Variants in SOX6 observed in about 807,000 individuals in gnomAD.
The protein encoded by SOX6 is SRY-box transcription factor 6, also known as transcription factor SOX-6.
In SOX6, 11 loss-of-function variants were observed where a neutral mutation model predicts 97.8. The observed-to-expected ratio is 0.11, with a 90% CI of 0.07 to 0.19. The LOEUF is 0.19. Ranked by LOEUF, SOX6 falls within the 10% of genes least tolerant of loss-of-function variation. The probability of loss-of-function intolerance (pLI) is 1.00; values close to 1 mark genes in which losing one functional copy is unlikely to be tolerated. For missense variants in SOX6, 810 were observed against 1,039.5 expected, an observed-to-expected ratio of 0.78 and a Z score of 3.04; for synonymous variants, 360 against 371.4, an observed-to-expected ratio of 0.97 and a Z score of 0.35.
chr11:16,096,436 G>A (rs758027395), intron 8 of SOX6, among the ~76,000 whole-genome samples: 7 of 151,762 alleles, frequency 4.6e-5, no homozygotes, highest in African/African-American at 9.7e-5. Flanking sequence ...TGTTAGTAGC[G>A]TGAAAGGTGA....
At chr11:16,126,534 A>G (rs1226014839) in intron 6 of SOX6, among the ~76,000 whole-genome samples, 2 of 152,120 alleles carry the variant, frequency 1.3e-5, no homozygotes, top group Non-Finnish European at 2.9e-5. Flanking sequence ...GACAGGTAGG[A>G]GATTAAATCT....
chr11:16,049,615 G>A, intron 11 of SOX6, 140 bp downstream of exon 11: 1 of 985,832 alleles, frequency 1.0e-6, no homozygotes. Context: ...ACTAAATTGG[G>A]TTATGTTTCA....
chr11:16,514,534 G>C (rs1565168372), intron 4 of SOX6, among the ~76,000 whole-genome samples: 1 of 151,618 alleles, frequency 6.6e-6, no homozygotes, highest in Non-Finnish European at 1.5e-5. Flanking sequence ...TATTTATTGT[G>C]TCAGAGTTTT....
chr11:16,266,909 C>G (rs1854097765), intron 3 of SOX6, among the ~76,000 whole-genome samples: 1 of 151,440 alleles, frequency 6.6e-6, no homozygotes, highest in Admixed American at 6.6e-5. Context: ...ACAACCATAT[C>G]AAAGCTCACA....
At chr11:16,056,852 T>G (rs1847827622) in intron 9 of SOX6, among the ~76,000 whole-genome samples, 1 of 152,294 alleles carries the variant, frequency 6.6e-6, no homozygotes. Context: ...AAGCCAAAGA[T>G]TGAAAGACAG....
chr11:16,002,880 C>G (rs546309755), intron 13 of SOX6, among the ~76,000 whole-genome samples: 1 of 152,212 alleles, frequency 6.6e-6, no homozygotes, highest in Non-Finnish European at 1.5e-5. Context: ...TTAGTTAACA[C>G]AGATACTACT....
At chr11:16,729,211 T>C (rs186867835) in intron 2 of SOX6, among the ~76,000 whole-genome samples, 76 of 152,194 alleles carry the variant, frequency 5.0e-4, no homozygotes, top group Non-Finnish European at 4.4e-5. Context: ...AACGTTCAAA[T>C]TCGGGAAATA....
chr11:16,410,918 G>T (rs12221729), intron 1 of SOX6, among the ~76,000 whole-genome samples: 30,522 of 150,718 alleles, frequency 0.2, 3,343 homozygotes, highest in Admixed American at 0.32. Flanking sequence ...AATAATAAGG[G>T]TGCATATGAC....
chr11:16,076,735 ATTTT>A (rs1156737950), intron 9 of SOX6, among the ~76,000 whole-genome samples: 16 of 94,138 alleles, frequency 1.7e-4, no homozygotes, highest in African/African-American at 7.7e-4. Context: ...GGTACTACAC[ATTTT>A]TTTTTTTTTT....
At chr11:16,182,771 T>G (rs1590004755) in intron 6 of SOX6, among the ~76,000 whole-genome samples, 1 of 151,882 alleles carries the variant, frequency 6.6e-6, no homozygotes, top group Admixed American at 6.6e-5. Flanking sequence ...AGATACCAAA[T>G]TAGTACTTTA....
At chr11:16,464,287 CA>C (rs1859987228) in intron 1 of SOX6, among the ~76,000 whole-genome samples, 1 of 151,962 alleles carries the variant, frequency 6.6e-6, no homozygotes, top group African/African-American at 2.4e-5. Flanking sequence ...TTTGATTGCC[CA>C]AAGTGGACTA....
chr11:16,119,090 A>G (rs1425774872), intron 6 of SOX6, among the ~76,000 whole-genome samples: 1 of 152,116 alleles, frequency 6.6e-6, no homozygotes, highest in Non-Finnish European at 1.5e-5. Flanking sequence ...GACCATATTC[A>G]TTTTTGCAAA....
chr11:16,170,865 G>C (rs1318869224), intron 6 of SOX6, among the ~76,000 whole-genome samples: 2 of 151,760 alleles, frequency 1.3e-5, no homozygotes, highest in Non-Finnish European at 2.9e-5. Flanking sequence ...ATCCTATACT[G>C]TCCCCTGCTT....
intron 3 of SOX6, among the ~76,000 whole-genome samples, chr11:16,670,563 G>A (rs781726330): frequency 2.0e-5 from 3 of 152,140 alleles, no homozygotes; most frequent in Non-Finnish European, 4.4e-5. Context: ...ACAAACTGCA[G>A]TTAGTCCAAG....
intron 3 of SOX6, among the ~76,000 whole-genome samples, chr11:16,711,814 T>C (rs563507193): frequency 3.2e-4 from 49 of 152,168 alleles, no homozygotes; most frequent in African/African-American, 1.0e-3. Flanking sequence ...GGTGCACCCA[T>C]CACCTAAGCA....
chr11:16,278,653 A>G (rs1854469535), intron 3 of SOX6, among the ~76,000 whole-genome samples: 1 of 152,098 alleles, frequency 6.6e-6, no homozygotes, highest in Non-Finnish European at 1.5e-5. Context: ...AAAAAAAGAA[A>G]GAAATTAGAT....
At chr11:16,004,983 T>C (rs1392665331) in intron 13 of SOX6, among the ~76,000 whole-genome samples, 2 of 152,056 alleles carry the variant, frequency 1.3e-5, no homozygotes, top group Non-Finnish European at 2.9e-5. Flanking sequence ...GCACAGTGAC[T>C]GGAACCCAAT....
At chr11:16,087,978 C>T (rs1329276866) in intron 9 of SOX6, among the ~76,000 whole-genome samples, 1 of 151,680 alleles carries the variant, frequency 6.6e-6, no homozygotes, top group Non-Finnish European at 1.5e-5. Flanking sequence ...GTCAACCACA[C>T]CCTTGTGGGA....
intron 3 of SOX6, among the ~76,000 whole-genome samples, chr11:16,244,910 T>C (rs1182717696): frequency 6.6e-6 from 1 of 151,834 alleles, no homozygotes; most frequent in African/African-American, 2.4e-5. Flanking sequence ...AATTTGTTCT[T>C]CTATTTCAAA....
Sources: gnomAD v4.1 joint callset for allele counts (sites outside exome capture counted in the v4.1 genomes callset) on GRCh38, gnomAD v4.1.1 for gene constraint, MANE v1.5 for transcripts, NCBI Gene and HGNC (gene_info 2026-07-23, HGNC 2026-07-21) for gene names.